Variants in SLC8A1 observed in about 807,000 individuals in gnomAD.
SLC8A1 encodes sodium/calcium exchanger 1.
A neutral mutation model predicts 68.3 loss-of-function variants in SLC8A1; 18 were observed. That is an observed-to-expected ratio of 0.26 (90% CI 0.18 to 0.39). The LOEUF (loss-of-function observed/expected upper bound fraction) is 0.39. Among genes scored for constraint, SLC8A1 ranks in the 10% least tolerant of loss-of-function variants. SLC8A1 has a pLI of 1.00. For missense variants in SLC8A1, 985 were observed against 1,156.7 expected (o/e 0.85, Z 2.15); for synonymous variants, 475 against 415.5 (o/e 1.14, Z -1.74).
chr2:40,259,046 G>C (rs2064335529), intron 2 of SLC8A1, among the ~76,000 whole-genome samples: 1 of 152,038 alleles, frequency 6.6e-6, no homozygotes. Flanking sequence ...TGCTGAGCCA[G>C]TGAGACAGGT....
chr2:40,412,904 G>A (rs1427187010), intron 2 of SLC8A1, among the ~76,000 whole-genome samples: 1 of 152,032 alleles, frequency 6.6e-6, no homozygotes, highest in Non-Finnish European at 1.5e-5. Flanking sequence ...TATCATTGCT[G>A]ATTTTTTTTT....
At chr2:40,145,324 C>T (rs1212265771) in intron 6 of SLC8A1, among the ~76,000 whole-genome samples, 1 of 152,124 alleles carries the variant, frequency 6.6e-6, no homozygotes. Context: ...GTTCTTATTT[C>T]CATTTCTGGT....
intron 2 of SLC8A1, among the ~76,000 whole-genome samples, chr2:40,416,095 G>T (rs535271297): frequency 3.4e-5 from 5 of 145,654 alleles, no homozygotes; most frequent in Middle Eastern, 3.7e-3. Context: ...CCACTTTTCT[G>T]AGACAGCAAG....
At chr2:40,291,368 A>G (rs1422922362) in intron 2 of SLC8A1, among the ~76,000 whole-genome samples, 1 of 152,192 alleles carries the variant, frequency 6.6e-6, no homozygotes. Flanking sequence ...CATAAAATAA[A>G]CAATTTAAAA....
chr2:40,310,123 C>A (rs920861746), intron 2 of SLC8A1, among the ~76,000 whole-genome samples: 1 of 152,216 alleles, frequency 6.6e-6, no homozygotes, highest in South Asian at 2.1e-4. Flanking sequence ...TCATGTCATA[C>A]ATGTATCTGT....
At chr2:40,404,082 C>T (rs1689593501) in intron 2 of SLC8A1, among the ~76,000 whole-genome samples, 1 of 151,854 alleles carries the variant, frequency 6.6e-6, no homozygotes, top group African/African-American at 2.4e-5. Context: ...TTTTTTAAGA[C>T]ATATGGTCTC....
chr2:40,353,605 A>T (rs1212842414), intron 2 of SLC8A1, among the ~76,000 whole-genome samples: 1 of 152,188 alleles, frequency 6.6e-6, no homozygotes, highest in African/African-American at 2.4e-5. Flanking sequence ...CGACTGTGGT[A>T]AATTTTAAGC....
intron 6 of SLC8A1, among the ~76,000 whole-genome samples, chr2:40,146,616 G>T (rs1437549611): frequency 7.0e-6 from 1 of 143,240 alleles, no homozygotes; most frequent in Admixed American, 6.9e-5. Flanking sequence ...CAACTAGATG[G>T]TCCCATCTTT....
intron 2 of SLC8A1, chr2:40,189,886 G>C (rs2051433306): frequency 6.6e-6 from 1 of 152,094 alleles, no homozygotes; most frequent in Non-Finnish European, 1.5e-5. Flanking sequence ...TAATGTAGAA[G>C]GTAACGTTCC....
chr2:40,391,572 T>G (rs1395945228), intron 2 of SLC8A1, among the ~76,000 whole-genome samples: 3 of 151,990 alleles, frequency 2.0e-5, no homozygotes, highest in Admixed American at 2.0e-4. Flanking sequence ...CCCTAAAAAT[T>G]TATAAGAGCA....
At chr2:40,207,442 ATGT>A (rs2055671650) in intron 2 of SLC8A1, among the ~76,000 whole-genome samples, 1 of 151,984 alleles carries the variant, frequency 6.6e-6, no homozygotes. Context: ...TCCTATACAA[ATGT>A]TGGGTTCTAT....
intron 2 of SLC8A1, among the ~76,000 whole-genome samples, chr2:40,211,074 A>G (rs1318300067): frequency 1.3e-5 from 2 of 152,154 alleles, no homozygotes; most frequent in Non-Finnish European, 2.9e-5. Context: ...AATAATTGTT[A>G]TGTCAAGTTC....
intron 3 of SLC8A1, 120 bp downstream of exon 4, chr2:40,175,141 A>T: frequency 9.5e-7 from 1 of 1,058,098 alleles, no homozygotes; most frequent in Non-Finnish European, 1.4e-6. Flanking sequence ...CAATGGCCCT[A>T]AACAACAATC....
At chr2:40,354,310 A>G (rs6738580) in intron 2 of SLC8A1, among the ~76,000 whole-genome samples, 76,249 of 151,974 alleles carry the variant, frequency 0.5, 19,715 homozygotes, top group Admixed American at 0.6. Context: ...TTTAAGGGCC[A>G]TCTGTATTCT....
At chr2:40,433,614 A>T (rs1698811246) in intron 1 of SLC8A1, among the ~76,000 whole-genome samples, 1 of 152,158 alleles carries the variant, frequency 6.6e-6, no homozygotes, top group Non-Finnish European at 1.5e-5. Context: ...CAATAATCCT[A>T]AATAGTAGGT....
At chr2:40,408,485 T>A (rs1274396189) in intron 2 of SLC8A1, among the ~76,000 whole-genome samples, 1 of 152,216 alleles carries the variant, frequency 6.6e-6, no homozygotes, top group African/African-American at 2.4e-5. Flanking sequence ...ACAGGAAATT[T>A]TGGCACTTTG....
At chr2:40,155,706 G>A in intron 6 of SLC8A1, among the ~76,000 whole-genome samples, 1 of 152,128 alleles carries the variant, frequency 6.6e-6, no homozygotes, top group East Asian at 1.9e-4. Flanking sequence ...TTAAATAATT[G>A]AGGATATTAA....
intron 2 of SLC8A1, among the ~76,000 whole-genome samples, chr2:40,418,528 A>G (rs560970476): frequency 1.3e-5 from 2 of 152,304 alleles, no homozygotes; most frequent in South Asian, 4.1e-4. Flanking sequence ...AAAAGCACTG[A>G]GCCTCAGCTC....
chr2:40,226,953 A>T (rs2059055602), intron 2 of SLC8A1, among the ~76,000 whole-genome samples: 1 of 152,150 alleles, frequency 6.6e-6, no homozygotes, highest in Non-Finnish European at 1.5e-5. Flanking sequence ...CTTGAAAAAC[A>T]CAGAGCTAGA....
Sources: allele counts gnomAD v4.1 joint callset (sites outside exome capture counted in the v4.1 genomes callset), GRCh38; gene constraint gnomAD v4.1.1; transcripts MANE v1.5; gene names NCBI Gene and HGNC (gene_info 2026-07-23, HGNC 2026-07-21).